The following C5AR1 variants were observed in gnomAD, a reference collection of about 807,000 sequenced individuals.
C5AR1 encodes complement C5a receptor 1.
Under a neutral mutation model 2.4 loss-of-function variants are expected in C5AR1, and 4 were observed. The observed-to-expected ratio is 1.65, with a 90% CI of 0.81 to 3.77. The LOEUF (loss-of-function observed/expected upper bound fraction) is 3.77. Ranked by LOEUF, C5AR1 falls within the 30% of genes most tolerant of loss-of-function variation. C5AR1 has a pLI of 0.01. For missense variants in C5AR1, 418 were observed against 462.5 expected (o/e 0.90, Z 0.88); for synonymous variants, 209 against 210.4 (o/e 0.99, Z 0.06).
rs150946126 is a variant in C5AR1 at position 47,320,801 on chromosome 19, A to C, written c.1024A>C (p.Thr342Pro). 1.2e-6 allele frequency: 2 copies of C among 1,612,800 alleles called. No individual in the cohort carries two copies. The highest frequency in any genetic ancestry group is 1.7e-6 in the Non-Finnish European group (2 of 1,178,960). Residue 342 changes from threonine to proline, a missense_variant, in exon 2 of 2, where the codon ACT becomes CCT. Coordinates refer to ENST00000355085, the MANE Select transcript of C5AR1 (RefSeq NM_001736.4). This position sits in a 1 kb window ranked among gnomAD's most constrained non-coding sequence, Gnocchi z 4.9. ...GTCATTCACGCGCTCCACAGTGGAC[A>C]CTATGGCCCAGAAGACCCAGGCAGT... The part of the protein sequence containing the change: ...SKSFTRSTVD[T>P]MAQKTQAV
At chr19:47,308,475 G>T (rs1012404833), upstream of C5AR1, among the ~76,000 whole-genome samples, 9 of 151,936 alleles carry the variant, frequency 5.9e-5, no homozygotes, top group Non-Finnish European at 1.3e-4. Context: ...TGTGTAGTTG[G>T]GGGACAGGGT....
chr19:47,309,678 G>A (rs2059263928), upstream of C5AR1, among the ~76,000 whole-genome samples: 1 of 152,204 alleles, frequency 6.6e-6, no homozygotes, highest in East Asian at 1.9e-4. Context: ...TTTTCCGAGC[G>A]CCGGCCCCCC....
intron 1 of C5AR1, among the ~76,000 whole-genome samples, chr19:47,317,508 A>AG (rs2122137865): frequency 6.7e-5 from 1 of 15,010 alleles, no homozygotes; most frequent in Non-Finnish European, 1.1e-4. Flanking sequence ...ACTCAGTCTC[A>AG]AAAAAAAAAA....
chr19:47,309,068 C>T (rs2059262135), upstream of C5AR1, among the ~76,000 whole-genome samples: 1 of 152,128 alleles, frequency 6.6e-6, no homozygotes, highest in Non-Finnish European at 1.5e-5. Flanking sequence ...AGCCATTGCA[C>T]CTGGCCCTAG....
rs1469681396 is a variant in C5AR1 at position 47,319,773 on chromosome 19, C to T, written c.4-8C>T. On this transcript the variant is annotated splice_region_variant and splice_polypyrimidine_tract_variant and intron_variant, in intron 1 of 1. Transcript: ENST00000355085. ...CTCATCCTCTCTGCTCTCTCCGATT[C>T]CCCTTAGGACTCCTTCAATTATACC... The T allele has an allele frequency of 1.3e-6, 2 of 1,567,466 alleles. No individual in the cohort carries two copies. Among genetic ancestry groups the T allele is most frequent in the Admixed American group, 1.7e-5 (1 of 59,524 alleles).
chr19:47,311,042 G>T (rs963173526), intron 1 of C5AR1, among the ~76,000 whole-genome samples: 1 of 152,324 alleles, frequency 6.6e-6, no homozygotes, highest in African/African-American at 2.4e-5. Flanking sequence ...TGCTTCATCT[G>T]TGTCAAAGAG....
Position 47,320,920 on chromosome 19 carries a change from T to A in C5AR1, c.*90T>A. On this transcript the variant is annotated 3_prime_UTR_variant, in exon 2 of 2. Coordinates refer to ENST00000355085, the MANE Select transcript of C5AR1 (RefSeq NM_001736.4). This position sits in a 1 kb window ranked among gnomAD's most constrained non-coding sequence, Gnocchi z 4.9. Reference sequence around the variant, plus strand: ...TTTCACTTCACTTTTCGTGGGATGGTGTTACCTTAGCTAACTAACTCTCCT... The same window carrying A: ...TTTCACTTCACTTTTCGTGGGATGGAGTTACCTTAGCTAACTAACTCTCCT... The A allele has an allele frequency of 8.4e-7, 1 of 1,185,670 alleles. No homozygotes were observed. Among genetic ancestry groups the A allele is most frequent in the Non-Finnish European group, 1.2e-6 (1 of 850,382 alleles). 73.4% of individuals were successfully genotyped at this position (1,185,670 alleles called of 1,614,324 possible). A position where few individuals can be genotyped will look rare whatever the true frequency, so the allele number is the denominator to read the frequency against.
Position 47,320,727 on chromosome 19 carries a change from G to A in C5AR1, c.950G>A (p.Ser317Asn). Residue 317 changes from serine to asparagine, a missense_variant, in exon 2 of 2, where the codon AGC (serine) becomes AAC (asparagine). Physicochemically the swap from Ser to Asn is conservative, Grantham distance 46 (BLOSUM62 1). Transcript: ENST00000355085. The surrounding 1 kb of genome is among the most constrained non-coding windows in gnomAD (Gnocchi z 4.9). ...GGCCGACTGCGGAAATCCCTCCCCAGCCTCCTCCGGAACGTGTTGACTGAA... is the reference window on the plus strand; with the variant it reads ...GGCCGACTGCGGAAATCCCTCCCCAACCTCCTCCGGAACGTGTTGACTGAA... ...FQGRLRKSLP[S>N]LLRNVLTEES... 1 of 1,614,080 alleles carries A rather than the reference G, an allele frequency of 6.2e-7. No individual in the cohort carries two copies. Among genetic ancestry groups the A allele is most frequent in the Non-Finnish European group, 8.5e-7 (1 of 1,180,024 alleles).
rs1324105580 is a variant in C5AR1, at chr19:47,320,422, A to G, written c.645A>G (p.Leu215=). The G allele has an allele frequency of 6.2e-7, 1 of 1,610,428 alleles. No homozygotes were observed. The highest frequency in any genetic ancestry group is 1.1e-5 in the South Asian group (1 of 91,038). ...VRLVLGFLWP[L]LTLTICYTFI... ...TGGTCCTGGGCTTCCTGTGGCCTCT[A>G]CTCACGCTCACGATTTGTTACACTT... The change falls in exon 2 of 2, where the codon CTA becomes CTG. Residue 215 remains leucine (L), a synonymous_variant. Transcript: ENST00000355085. This position sits in a 1 kb window ranked among gnomAD's most constrained non-coding sequence, Gnocchi z 4.9.
chr19:47,311,155 C>A (rs371015059), intron 1 of C5AR1, among the ~76,000 whole-genome samples: 6 of 151,992 alleles, frequency 3.9e-5, no homozygotes, highest in African/African-American at 1.2e-4. Flanking sequence ...CTCTCTGATT[C>A]TTCTTCTTCT....
In C5AR1 at chr19:47,320,915, G is replaced by A. The variant is rs1042996837; in HGVS notation, c.*85G>A. The A allele has an allele frequency of 1.6e-6, 2 of 1,253,622 alleles. No homozygotes were observed. Among genetic ancestry groups the A allele is most frequent in the South Asian group, 2.9e-5 (2 of 69,172 alleles). 77.7% of individuals were successfully genotyped at this position (1,253,622 alleles called of 1,614,324 possible). On this transcript the variant is annotated 3_prime_UTR_variant, in exon 2 of 2. Transcript: ENST00000355085. This position sits in a 1 kb window ranked among gnomAD's most constrained non-coding sequence, Gnocchi z 4.9. ...CTTGTTTTCACTTCACTTTTCGTGG[G>A]ATGGTGTTACCTTAGCTAACTAACT... is the stretch of plus-strand genomic sequence containing the variant.
Position 47,309,871 on chromosome 19 carries a change from C to T in C5AR1, c.-25C>T. 4 of 1,612,200 alleles carry T rather than the reference C, an allele frequency of 2.5e-6. No individual in the cohort carries two copies. Among genetic ancestry groups the T allele is most frequent in the South Asian group, 2.2e-5 (2 of 90,916 alleles). On this transcript the variant is annotated 5_prime_UTR_variant, in exon 1 of 2. Coordinates refer to ENST00000355085, the MANE Select transcript of C5AR1 (RefSeq NM_001736.4). ...CCTTGGGCAGGAGGGACCTTCGATCCTCGGGGAGCCCAGGAGACCAGAACA... is the reference window on the plus strand; with the variant it reads ...CCTTGGGCAGGAGGGACCTTCGATCTTCGGGGAGCCCAGGAGACCAGAACA...
rs755648322 is a variant in C5AR1, at chr19:47,319,993, C to T, written c.216C>T (p.Ala72=). 4.4e-5 allele frequency: 71 copies of T among 1,614,124 alleles called. No homozygotes were observed. The highest frequency in any genetic ancestry group is 8.3e-5 in the Admixed American group (5 of 60,002). ...TCGAGGCCAAGCGGACCATCAATGC[C>T]ATCTGGTTCCTCAACTTGGCGGTAG... ...TAFEAKRTIN[A]IWFLNLAVAD... The change falls in exon 2 of 2, where the codon GCC becomes GCT. Residue 72 remains alanine (A), a synonymous_variant. Transcript: ENST00000355085.
intron 1 of C5AR1, among the ~76,000 whole-genome samples, chr19:47,313,729 C>T (rs1008833355): frequency 6.0e-5 from 9 of 149,742 alleles, no homozygotes; most frequent in African/African-American, 1.7e-4. Context: ...GGGGACAGAG[C>T]GAGATTCCGT....
chr19:47,317,101 G>A (rs1229873533), intron 1 of C5AR1, among the ~76,000 whole-genome samples: 1 of 151,470 alleles, frequency 6.6e-6, no homozygotes, highest in African/African-American at 2.4e-5. Flanking sequence ...GCTGAGGCAG[G>A]AGGATTGCTT....
At position 47,320,551 on chromosome 19, in the gene C5AR1, C is replaced by G. The variant is rs200593256; in HGVS notation, c.774C>G (p.Tyr258Ter). 2 of 1,613,874 alleles carry G rather than the reference C, an allele frequency of 1.2e-6. No homozygotes were observed. Among genetic ancestry groups the G allele is most frequent in the East Asian group, 4.5e-5 (2 of 44,874 alleles). Reference protein sequence around the residue: ...VASFFIFWLPYQVTGIMMSFL... With the variant: ...VASFFIFWLP ...GTTTCTTTATCTTCTGGTTGCCCTA[C>G]CAGGTGACGGGGATAATGATGTCCT... The change falls in exon 2 of 2, where the codon TAC becomes TAG. Residue 258 changes from tyrosine to a stop codon, truncating the protein, a stop_gained. Coordinates refer to ENST00000355085, the MANE Select transcript of C5AR1 (RefSeq NM_001736.4). LOFTEE classifies it low-confidence loss of function (END_TRUNC). The surrounding 1 kb of genome is among the most constrained non-coding windows in gnomAD (Gnocchi z 4.9).
At chr19:47,312,877 C>T (rs1214886897) in intron 1 of C5AR1, among the ~76,000 whole-genome samples, 22 of 152,040 alleles carry the variant, frequency 1.4e-4, no homozygotes, top group Non-Finnish European at 1.5e-5. Flanking sequence ...CTATGTTGCC[C>T]AGCCTGGTGC....
chr19:47,309,934 GT>G, intron 1 of C5AR1, 36 bp downstream of exon 1: 1 of 1,606,440 alleles, frequency 6.2e-7, no homozygotes, highest in Non-Finnish European at 8.5e-7. Context: ...AGGAAACTTT[GT>G]CCTGGGTCCC....
intron 1 of C5AR1, among the ~76,000 whole-genome samples, chr19:47,314,510 G>T (rs1405239697): frequency 1.3e-5 from 2 of 151,998 alleles, no homozygotes; most frequent in African/African-American, 4.8e-5. Context: ...TGATTCTTCT[G>T]CCTCAGCCTC....
Sources: gnomAD v4.1 joint callset for allele counts (sites outside exome capture counted in the v4.1 genomes callset) on GRCh38, gnomAD v4.1.1 for gene constraint, Gnocchi (gnomAD v3.1) non-coding constraint, MANE v1.5 for transcripts, NCBI Gene and HGNC (gene_info 2026-07-23, HGNC 2026-07-21) for gene names.